The following EPC2 variants were observed in gnomAD, a reference collection of about 807,000 sequenced individuals.
EPC2 encodes enhancer of polycomb 2.
EPC2 carries 14 observed loss-of-function variants against 92.1 expected under a neutral mutation model. The observed-to-expected ratio is 0.15, with a 90% CI of 0.10 to 0.24. The LOEUF (loss-of-function observed/expected upper bound fraction) is 0.24, where lower values mean the gene tolerates loss of function less well. EPC2 is among the 10% of genes least tolerant of loss of function. The pLI is 1.00. For missense variants in EPC2, 755 were observed against 971.5 expected, an observed-to-expected ratio of 0.78 and a Z score of 2.96; for synonymous variants, 340 against 334.7, an observed-to-expected ratio of 1.02 and a Z score of -0.17.
intron 1 of EPC2, among the ~76,000 whole-genome samples, chr2:148,684,181 T>G: frequency 6.6e-6 from 1 of 152,256 alleles, no homozygotes; most frequent in East Asian, 1.9e-4. Context: ...TGTCCATTCA[T>G]GTCCTTTGCC....
At chr2:148,646,460 A>G (rs1239677143) in intron 1 of EPC2, among the ~76,000 whole-genome samples, 3 of 152,148 alleles carry the variant, frequency 2.0e-5, no homozygotes. Flanking sequence ...GTGTACACAC[A>G]CAAATATGTA....
rs1246371663 is a variant in EPC2, at chr2:148,761,950, A to G, written c.815+20A>G. On this transcript the variant is annotated intron_variant, in intron 5 of 13. Coordinates refer to ENST00000258484, the MANE Select transcript of EPC2 (RefSeq NM_015630.4). ...GAAAAGGTAACATTGCTCCTGTTAC[A>G]ACAGTAAAATGACAACTTTACCAAA... The G allele has an allele frequency of 1.9e-6, 3 of 1,549,490 alleles. No individual in the cohort carries two copies. The highest frequency in any genetic ancestry group is 2.6e-6 in the Non-Finnish European group (3 of 1,157,856).
intron 1 of EPC2, 169 bp downstream of exon 1, chr2:148,645,339 G>GCGCC: frequency 7.1e-6 from 4 of 561,566 alleles, no homozygotes; most frequent in South Asian, 6.7e-5. Flanking sequence ...GGCCGGCGTA[G>GCGCC]CGCCCGCCCG....
At chr2:148,714,435 G>A (rs1349842148) in intron 2 of EPC2, among the ~76,000 whole-genome samples, 7 of 152,082 alleles carry the variant, frequency 4.6e-5, no homozygotes, top group African/African-American at 1.7e-4. Flanking sequence ...CCAAGTAAGG[G>A]GATTGTTGAG....
intron 1 of EPC2, among the ~76,000 whole-genome samples, chr2:148,684,855 T>C (rs949084715): frequency 1.3e-5 from 2 of 152,380 alleles, no homozygotes; most frequent in Admixed American, 1.3e-4. Flanking sequence ...GCTTCCATAG[T>C]CATACATGCC....
intron 1 of EPC2, among the ~76,000 whole-genome samples, chr2:148,655,646 C>T (rs888026312): frequency 6.6e-6 from 1 of 152,050 alleles, no homozygotes; most frequent in Non-Finnish European, 1.5e-5. Flanking sequence ...TTTTCTCATC[C>T]AAGTTCATGG....
intron 2 of EPC2, among the ~76,000 whole-genome samples, chr2:148,736,067 A>C (rs981664990): frequency 2.6e-5 from 4 of 152,154 alleles, no homozygotes; most frequent in African/African-American, 9.6e-5. Context: ...AGGAATGATA[A>C]AAAATTATTT....
At chr2:148,657,583 C>T (rs1354005008) in intron 1 of EPC2, among the ~76,000 whole-genome samples, 1 of 151,808 alleles carries the variant, frequency 6.6e-6, no homozygotes, top group African/African-American at 2.4e-5. Flanking sequence ...AAGGACCCAA[C>T]TTTGAAAACC....
chr2:148,697,836 T>G (rs938297001), intron 2 of EPC2, among the ~76,000 whole-genome samples: 1 of 152,166 alleles, frequency 6.6e-6, no homozygotes, highest in Non-Finnish European at 1.5e-5. Flanking sequence ...GGTATACTGG[T>G]TTGCTGCAAG....
chr2:148,646,579 C>T (rs1559136667), intron 1 of EPC2, among the ~76,000 whole-genome samples: 1 of 130,348 alleles, frequency 7.7e-6, no homozygotes, highest in Admixed American at 8.3e-5. Context: ...GCTGTGAGAA[C>T]TTTTTTTTTT....
intron 7 of EPC2, among the ~76,000 whole-genome samples, chr2:148,766,912 T>G (rs1683421148): frequency 6.6e-6 from 1 of 152,116 alleles, no homozygotes; most frequent in Admixed American, 6.5e-5. Flanking sequence ...GACTGGACAT[T>G]GTGGCTCATG....
rs138459988 is a variant in EPC2 at position 148,694,758 on chromosome 2, T to G, written c.313+4385T>G. 9.7e-4 allele frequency among the ~76,000 whole-genome samples: 148 copies of G among 152,288 alleles called. 2 individuals are homozygous for G. Among genetic ancestry groups the G allele is most frequent in the Non-Finnish European group, 5.9e-5 (4 of 68,024 alleles). ...TTGTAGAACACGAAGGAACTTAACA[T>G]TCTCCTCCCCCCGCCCAAACCCTGG... On this transcript the variant is annotated intron_variant, in intron 2 of 13. Coordinates refer to ENST00000258484, the MANE Select transcript of EPC2 (RefSeq NM_015630.4).
chr2:148,697,497 A>G (rs1681776149), intron 2 of EPC2, among the ~76,000 whole-genome samples: 1 of 152,134 alleles, frequency 6.6e-6, no homozygotes, highest in African/African-American at 2.4e-5. Flanking sequence ...AGAAAAGGGA[A>G]CCATGAGAGT....
chr2:148,664,467 C>G (rs2105356925), intron 1 of EPC2, among the ~76,000 whole-genome samples: 1 of 152,300 alleles, frequency 6.6e-6, no homozygotes, highest in African/African-American at 2.4e-5. Context: ...CGCTGTCCTC[C>G]AGCCAGGGCG....
intron 10 of EPC2, 67 bp downstream of exon 10, chr2:148,771,454 A>C (rs1683517350): frequency 7.2e-7 from 1 of 1,392,116 alleles, no homozygotes; most frequent in South Asian, 1.4e-5. Flanking sequence ...TGGGAAAGGA[A>C]TTTTATCTTA....
chr2:148,672,578 T>A (rs898589484), intron 1 of EPC2, among the ~76,000 whole-genome samples: 7 of 152,208 alleles, frequency 4.6e-5, no homozygotes, highest in African/African-American at 1.7e-4. Flanking sequence ...TAAAAGCAAT[T>A]TATTTTTGTA....
chr2:148,737,034 C>T (rs1209351788), intron 2 of EPC2, among the ~76,000 whole-genome samples: 2 of 152,104 alleles, frequency 1.3e-5, no homozygotes, highest in Non-Finnish European at 2.9e-5. Context: ...CCCAGGAGAT[C>T]AAGACTGCAG....
At chr2:148,769,733 A>C (rs958627445) in intron 8 of EPC2, among the ~76,000 whole-genome samples, 2 of 152,212 alleles carry the variant, frequency 1.3e-5, no homozygotes, top group African/African-American at 4.8e-5. Flanking sequence ...CACACCTAGA[A>C]GTTGCTTTAT....
chr2:148,744,101 A>C (rs1481760188), intron 3 of EPC2, among the ~76,000 whole-genome samples: 1 of 152,130 alleles, frequency 6.6e-6, no homozygotes, highest in Non-Finnish European at 1.5e-5. Context: ...TCTTATGTCA[A>C]ATCTTGCTCA....
Sources: allele counts gnomAD v4.1 joint callset (sites outside exome capture counted in the v4.1 genomes callset), GRCh38; gene constraint gnomAD v4.1.1; transcripts MANE v1.5; gene names NCBI Gene and HGNC (gene_info 2026-07-23, HGNC 2026-07-21).